SYNDIG1: variants seen among roughly 807,000 people sequenced by gnomAD.
SYNDIG1 encodes the protein synapse differentiation inducing 1.
SYNDIG1 carries 9 observed loss-of-function variants against 19.4 expected under a neutral mutation model. The ratio of observed to expected loss-of-function variants is 0.46; its 90% CI spans 0.28 to 0.81. SYNDIG1 has a LOEUF of 0.81. Ranked by LOEUF, SYNDIG1 falls within the 30% of genes least tolerant of loss-of-function variation. The probability of loss-of-function intolerance (pLI) is 0.12; values close to 1 mark genes in which losing one functional copy is unlikely to be tolerated. For missense variants in SYNDIG1, 311 were observed against 343.3 expected, an observed-to-expected ratio of 0.91 and a Z score of 0.74; for synonymous variants, 141 against 145.9, an observed-to-expected ratio of 0.97 and a Z score of 0.24.
chr20:24,654,556 T>A (rs995865808), intron 3 of SYNDIG1, among the ~76,000 whole-genome samples: 2 of 142,178 alleles, frequency 1.4e-5, no homozygotes, highest in African/African-American at 5.3e-5. Flanking sequence ...AGGAGAGAGG[T>A]GGACAATGAC....
At chr20:24,618,563 A>C (rs1285780366) in intron 3 of SYNDIG1, among the ~76,000 whole-genome samples, 1 of 152,214 alleles carries the variant, frequency 6.6e-6, no homozygotes, top group Non-Finnish European at 1.5e-5. Context: ...CTATACTCCG[A>C]GGAAAAAAAG....
At chr20:24,577,063 C>T (rs954794459) in intron 2 of SYNDIG1, among the ~76,000 whole-genome samples, 3 of 152,020 alleles carry the variant, frequency 2.0e-5, no homozygotes, top group African/African-American at 7.2e-5. Context: ...AAAAGTATGA[C>T]AGCATATACC....
At chr20:24,504,664 T>C (rs1219359773) in intron 1 of SYNDIG1, among the ~76,000 whole-genome samples, 1 of 152,118 alleles carries the variant, frequency 6.6e-6, no homozygotes, top group East Asian at 1.9e-4. Context: ...AATCTGTAGC[T>C]CATGAAGAAC....
intron 3 of SYNDIG1, among the ~76,000 whole-genome samples, chr20:24,621,066 T>C (rs1600765090): frequency 1.3e-5 from 2 of 152,350 alleles, no homozygotes; most frequent in Admixed American, 1.3e-4. Flanking sequence ...GTAAACAGCA[T>C]TATGTTGATA....
intron 1 of SYNDIG1, among the ~76,000 whole-genome samples, chr20:24,505,846 T>C (rs899472897): frequency 6.6e-6 from 1 of 152,230 alleles, no homozygotes; most frequent in Non-Finnish European, 1.5e-5. Flanking sequence ...AATAGAGACA[T>C]GCCATTAAAA....
intron 1 of SYNDIG1, among the ~76,000 whole-genome samples, chr20:24,474,855 T>C (rs568047629): frequency 3.0e-4 from 45 of 152,356 alleles, no homozygotes; most frequent in African/African-American, 9.9e-4. Flanking sequence ...CTTCCTTACC[T>C]TTCCTCTATT....
At chr20:24,620,358 A>G (rs1232984865) in intron 3 of SYNDIG1, among the ~76,000 whole-genome samples, 1 of 152,188 alleles carries the variant, frequency 6.6e-6, no homozygotes, top group Non-Finnish European at 1.5e-5. Flanking sequence ...GGGTGACCTG[A>G]CAGCTAGGAG....
chr20:24,644,099 G>A lies in SYNDIG1; in HGVS notation c.619-21247G>A, dbSNP rs1568712410. On this transcript the variant is annotated intron_variant, in intron 3 of 3. Coordinates refer to ENST00000376862, the MANE Select transcript of SYNDIG1 (RefSeq NM_024893.3). Reference sequence around the variant, plus strand: ...CACACTTTATTCCCAGGGAACTTGGGAGAAAAATCAATGGATTCCAGGATA... The same window carrying A: ...CACACTTTATTCCCAGGGAACTTGGAAGAAAAATCAATGGATTCCAGGATA... 4.6e-5 allele frequency among the ~76,000 whole-genome samples: 7 copies of A among 152,202 alleles called. No individual in the cohort carries two copies. In the South Asian group the frequency reaches 1.5e-3, roughly 32 times the overall value.
chr20:24,577,487 C>T (rs571956907), intron 2 of SYNDIG1, among the ~76,000 whole-genome samples: 6 of 152,226 alleles, frequency 3.9e-5, no homozygotes, highest in Non-Finnish European at 5.9e-5. Flanking sequence ...GCCTCACCCA[C>T]GTGGCTCATG....
intron 3 of SYNDIG1, among the ~76,000 whole-genome samples, chr20:24,654,619 G>C (rs2059504377): frequency 7.0e-6 from 1 of 143,654 alleles, no homozygotes; most frequent in Non-Finnish European, 1.5e-5. Flanking sequence ...AGAAGGAAGA[G>C]AGGGAGGGAG....
At chr20:24,651,852 C>T (rs2059477165) in intron 3 of SYNDIG1, among the ~76,000 whole-genome samples, 1 of 152,214 alleles carries the variant, frequency 6.6e-6, no homozygotes, top group Admixed American at 6.5e-5. Flanking sequence ...CCCTGAGCTG[C>T]CACACAGGAA....
chr20:24,605,123 C>T (rs1424906290), intron 3 of SYNDIG1, among the ~76,000 whole-genome samples: 2 of 152,026 alleles, frequency 1.3e-5, no homozygotes, highest in African/African-American at 4.8e-5. Flanking sequence ...TGGCAAAGGG[C>T]ATCCCAACCA....
chr20:24,663,787 C>T (rs966497701), intron 3 of SYNDIG1, among the ~76,000 whole-genome samples: 2 of 152,152 alleles, frequency 1.3e-5, no homozygotes, highest in African/African-American at 4.8e-5. Flanking sequence ...TTGCATAGCC[C>T]TGGGGATGGC....
intron 3 of SYNDIG1, among the ~76,000 whole-genome samples, chr20:24,633,896 C>T (rs1357372592): frequency 6.6e-6 from 1 of 152,294 alleles, no homozygotes; most frequent in African/African-American, 2.4e-5. Context: ...CCGCACCAGC[C>T]GCTCTCACCT....
intron 2 of SYNDIG1, among the ~76,000 whole-genome samples, chr20:24,561,047 C>T (rs1462621056): frequency 6.6e-6 from 1 of 151,342 alleles, no homozygotes; most frequent in Non-Finnish European, 1.5e-5. Context: ...TCCTGGGATT[C>T]ACTTCTGGGT....
At chr20:24,664,976 G>T (rs935661221) in intron 3 of SYNDIG1, among the ~76,000 whole-genome samples, 2 of 152,108 alleles carry the variant, frequency 1.3e-5, no homozygotes, top group African/African-American at 2.4e-5. Context: ...ACCATTCTTG[G>T]GTAGAAAGAG....
chr20:24,536,046 A>C (rs1193708261), intron 1 of SYNDIG1, among the ~76,000 whole-genome samples: 2 of 152,236 alleles, frequency 1.3e-5, no homozygotes, highest in East Asian at 3.8e-4. Flanking sequence ...TGCTAATGGA[A>C]CAGATGAATT....
intron 1 of SYNDIG1, among the ~76,000 whole-genome samples, chr20:24,474,885 A>G (rs1044709575): frequency 6.6e-6 from 1 of 152,228 alleles, no homozygotes; most frequent in Non-Finnish European, 1.5e-5. Flanking sequence ...TTCAGTGCCC[A>G]AAACAAAACC....
chr20:24,627,002 T>C (rs2059154171), intron 3 of SYNDIG1, among the ~76,000 whole-genome samples: 1 of 151,404 alleles, frequency 6.6e-6, no homozygotes, highest in African/African-American at 2.4e-5. Flanking sequence ...GGCAGGGAGG[T>C]TGCAGTGAGC....
Sources: allele counts gnomAD v4.1 joint callset (sites outside exome capture counted in the v4.1 genomes callset), GRCh38; gene constraint gnomAD v4.1.1; transcripts MANE v1.5; gene names NCBI Gene and HGNC (gene_info 2026-07-23, HGNC 2026-07-21).